The following CUBN variants were observed in gnomAD, a reference collection of about 807,000 sequenced individuals.
CUBN encodes 460 kDa receptor.
A neutral mutation model predicts 405.3 loss-of-function variants in CUBN; 282 were observed. That is an observed-to-expected ratio of 0.70 (90% confidence interval 0.63 to 0.77). The LOEUF (loss-of-function observed/expected upper bound fraction) is 0.77, where lower values mean the gene tolerates loss of function less well. Among genes scored for constraint, CUBN ranks in the 30% least tolerant of loss-of-function variants. The probability of loss-of-function intolerance (pLI) is 0.00; values close to 1 mark genes in which losing one functional copy is unlikely to be tolerated. For missense variants in CUBN, 4,514 were observed against 4,475.2 expected (o/e 1.01, Z -0.25); for synonymous variants, 1,684 against 1,617.0 (o/e 1.04, Z -0.99).
At chr10:17,117,630 T>C (rs912947993) in intron 6 of CUBN, among the ~76,000 whole-genome samples, 4 of 152,078 alleles carry the variant, frequency 2.6e-5, no homozygotes, top group Admixed American at 6.5e-5. Context: ...GTCTCTTTTC[T>C]AGAGGTAGAG....
At chr10:17,032,041 G>T (rs1387916982) in intron 27 of CUBN, among the ~76,000 whole-genome samples, 1 of 152,178 alleles carries the variant, frequency 6.6e-6, no homozygotes, top group Non-Finnish European at 1.5e-5. Flanking sequence ...AAAACAAAAT[G>T]TGAACTCTGC....
At chr10:17,000,747 A>G (rs1302268405) in intron 28 of CUBN, among the ~76,000 whole-genome samples, 2 of 152,160 alleles carry the variant, frequency 1.3e-5, no homozygotes, top group African/African-American at 4.8e-5. Context: ...TTCTGATTCC[A>G]TTGCTTAGTG....
chr10:16,908,203 C>T (rs752009002), intron 48 of CUBN, among the ~76,000 whole-genome samples: 20 of 151,954 alleles, frequency 1.3e-4, no homozygotes, highest in African/African-American at 4.1e-4. Flanking sequence ...TGGAGTGCAG[C>T]GGTGTGATCT....
intron 14 of CUBN, among the ~76,000 whole-genome samples, chr10:17,091,145 G>A (rs1258823885): frequency 2.6e-5 from 4 of 152,086 alleles, no homozygotes; most frequent in Non-Finnish European, 5.9e-5. Flanking sequence ...AGCTTTCAAA[G>A]GTAACTGGAG....
At chr10:17,092,496 C>T (rs1327249755) in intron 14 of CUBN, among the ~76,000 whole-genome samples, 1 of 152,098 alleles carries the variant, frequency 6.6e-6, no homozygotes, top group Non-Finnish European at 1.5e-5. Flanking sequence ...GCACAAGATA[C>T]AGGTCGCAAA....
At position 16,982,505 on chromosome 10, in the gene CUBN, T is replaced by C. The variant is rs1206603951; in HGVS notation, c.4674A>G (p.Glu1558=). 1 of 1,613,720 alleles carries C rather than the reference T, an allele frequency of 6.2e-7. No individual in the cohort carries two copies. The highest frequency in any genetic ancestry group is 1.1e-5 in the South Asian group (1 of 91,074). The change falls in exon 31 of 67, where the codon GAA becomes GAG. Residue 1558 remains glutamate, a synonymous_variant. Coordinates refer to ENST00000377833, the MANE Select transcript of CUBN (RefSeq NM_001081.4). The stretch of plus-strand genomic sequence containing the variant: ...TTACCATAATACAAGAGTCTTGTGG[T>C]TCAAGATCAAAGTCAGTGAAGTTCA... The part of the protein sequence containing the change: ...VLLNFTDFDL[E]PQDSCIMAYD...
intron 17 of CUBN, among the ~76,000 whole-genome samples, chr10:17,074,961 G>A (rs1390360196): frequency 6.6e-6 from 1 of 151,962 alleles, no homozygotes; most frequent in African/African-American, 2.4e-5. Flanking sequence ...ACTCACCCAG[G>A]GGATTATGGA....
chr10:16,874,180 A>C (rs1840437236), intron 58 of CUBN, among the ~76,000 whole-genome samples, 194 bp downstream of exon 58: 1 of 152,088 alleles, frequency 6.6e-6, no homozygotes, highest in South Asian at 2.1e-4. Context: ...TTTTGCCCTT[A>C]GTTACTACCG....
intron 3 of CUBN, among the ~76,000 whole-genome samples, chr10:17,127,579 C>T (rs1183919337): frequency 6.6e-6 from 1 of 151,856 alleles, no homozygotes; most frequent in Admixed American, 6.6e-5. Flanking sequence ...ATCATCCATT[C>T]ACTTGCAGTG....
intron 50 of CUBN, among the ~76,000 whole-genome samples, chr10:16,905,162 T>C (rs1223163255): frequency 2.0e-5 from 3 of 152,232 alleles, no homozygotes; most frequent in Non-Finnish European, 4.4e-5. Context: ...GCAAAACTTT[T>C]ACAGTATGGA....
chr10:16,905,087 T>C lies in CUBN; in HGVS notation c.7913-972A>G, dbSNP rs542085567. Among the ~76,000 whole-genome samples, 6 of 152,320 alleles carry C rather than the reference T, an allele frequency of 3.9e-5. 1 individual carries two copies. In the East Asian group the frequency reaches 1.2e-3, roughly 29 times the overall value. ...GTTTCCCAAGGACTTCTCCACCAAC[T>C]AACTGATGAGCTTCTGCTGCTTTCA... On this transcript the variant is annotated intron_variant, in intron 50 of 66. Coordinates refer to ENST00000377833, the MANE Select transcript of CUBN (RefSeq NM_001081.4).
chr10:17,120,847 G>A (rs1295861451), intron 6 of CUBN, among the ~76,000 whole-genome samples: 2 of 152,230 alleles, frequency 1.3e-5, no homozygotes, highest in Non-Finnish European at 2.9e-5. Context: ...CCAAAAGACA[G>A]TGATGATAAA....
intron 22 of CUBN, among the ~76,000 whole-genome samples, chr10:17,058,433 C>T (rs79001760): frequency 0.028 from 4,181 of 152,026 alleles, 234 homozygotes; most frequent in African/African-American, 0.096. Context: ...ACAGGTTGCA[C>T]TCTCTAGAGA....
At chr10:16,909,392 T>C (rs1304332041) in intron 48 of CUBN, among the ~76,000 whole-genome samples, 20 of 152,178 alleles carry the variant, frequency 1.3e-4, no homozygotes, top group Admixed American at 1.3e-3. Flanking sequence ...ACAGTATCCC[T>C]GTTTTCCAGA....
chr10:17,082,230 C>T (rs1320402327), intron 17 of CUBN, among the ~76,000 whole-genome samples: 1 of 152,164 alleles, frequency 6.6e-6, no homozygotes, highest in Admixed American at 6.5e-5. Flanking sequence ...GGACATCTTA[C>T]TGAAGTAGGA....
chr10:16,918,113 CG>C (rs1325244064), intron 45 of CUBN, among the ~76,000 whole-genome samples: 2 of 151,962 alleles, frequency 1.3e-5, no homozygotes, highest in African/African-American at 4.8e-5. Flanking sequence ...GGTGTGAGAC[CG>C]TATTTCTGAG....
At chr10:17,007,554 T>C (rs1457024709) in intron 28 of CUBN, among the ~76,000 whole-genome samples, 1 of 151,606 alleles carries the variant, frequency 6.6e-6, no homozygotes, top group African/African-American at 2.4e-5. Context: ...GGAAATGATG[T>C]CGCTGCCAAG....
intron 60 of CUBN, among the ~76,000 whole-genome samples, chr10:16,841,804 T>G (rs1334325170): frequency 2.7e-5 from 4 of 149,534 alleles, no homozygotes; most frequent in Non-Finnish European, 5.9e-5. Context: ...TCCCATATAC[T>G]TGGGAGGCTG....
chr10:17,012,455 C>A (rs1834211589), intron 28 of CUBN, among the ~76,000 whole-genome samples: 1 of 152,208 alleles, frequency 6.6e-6, no homozygotes, highest in Non-Finnish European at 1.5e-5. Flanking sequence ...TAGGCCTCAG[C>A]AGTTTTGGAG....
Sources: gnomAD v4.1 joint callset for allele counts (sites outside exome capture counted in the v4.1 genomes callset) on GRCh38, gnomAD v4.1.1 for gene constraint, MANE v1.5 for transcripts, NCBI Gene and HGNC (gene_info 2026-07-23, HGNC 2026-07-21) for gene names.